FSHR: variants seen among roughly 807,000 people sequenced by gnomAD.
The protein encoded by FSHR is follicle stimulating hormone receptor, also known as follicle-stimulating hormone receptor.
Under a neutral mutation model 52.1 loss-of-function variants are expected in FSHR, and 46 were observed. The ratio of observed to expected loss-of-function variants is 0.88; its 90% confidence interval spans 0.70 to 1.13. The LOEUF is 1.13. Among genes scored for constraint, FSHR ranks in the 50% most tolerant of loss-of-function variants. The pLI, the probability that FSHR is intolerant of heterozygous loss-of-function variation, is 0.00. For synonymous variants in FSHR, 399 were observed against 309.6 expected (o/e 1.29, Z -3.03); for missense variants, 964 against 834.6 (o/e 1.16, Z -1.91).
At chr2:49,119,049 C>T (rs1347426284) in intron 1 of FSHR, among the ~76,000 whole-genome samples, 3 of 152,168 alleles carry the variant, frequency 2.0e-5, no homozygotes, top group Admixed American at 6.5e-5. Flanking sequence ...GTCCTACCAG[C>T]GTTTGGGGAC....
At chr2:49,114,354 C>G (rs1226628053) in intron 1 of FSHR, among the ~76,000 whole-genome samples, 1 of 152,182 alleles carries the variant, frequency 6.6e-6, no homozygotes, top group Non-Finnish European at 1.5e-5. Flanking sequence ...CAAAGCAATA[C>G]TCTCCCAATG....
At chr2:48,971,602 TC>T (rs1247032151) in intron 8 of FSHR, among the ~76,000 whole-genome samples, 2 of 152,210 alleles carry the variant, frequency 1.3e-5, no homozygotes, top group African/African-American at 4.8e-5. Flanking sequence ...TTATACATAG[TC>T]CCCTCTTTGT....
chr2:49,137,586 G>A (rs1037228777), intron 1 of FSHR, among the ~76,000 whole-genome samples: 2 of 152,128 alleles, frequency 1.3e-5, no homozygotes, highest in African/African-American at 4.8e-5. Flanking sequence ...TCAAAACTTA[G>A]TAGAAAGAAA....
chr2:48,967,172 T>C (rs1346828816), intron 9 of FSHR, among the ~76,000 whole-genome samples: 1 of 152,222 alleles, frequency 6.6e-6, no homozygotes, highest in Non-Finnish European at 1.5e-5. Flanking sequence ...TATAGCTCAC[T>C]GCAGCCTCGA....
intron 4 of FSHR, among the ~76,000 whole-genome samples, chr2:49,004,385 G>A (rs1260718437): frequency 1.3e-5 from 2 of 152,150 alleles, no homozygotes; most frequent in African/African-American, 4.8e-5. Flanking sequence ...TGGGGAAGAG[G>A]AGCTGGGAAG....
chr2:48,997,005 A>G (rs1015163888), intron 4 of FSHR, among the ~76,000 whole-genome samples: 3 of 152,108 alleles, frequency 2.0e-5, no homozygotes, highest in Non-Finnish European at 4.4e-5. Context: ...ATGCTAACAT[A>G]TGCTTTCTGA....
At chr2:48,996,691 G>C (rs1306226213) in intron 4 of FSHR, among the ~76,000 whole-genome samples, 2 of 152,082 alleles carry the variant, frequency 1.3e-5, no homozygotes, top group African/African-American at 4.8e-5. Context: ...CAGCTGAAAC[G>C]AGGTGGCAGA....
intron 2 of FSHR, among the ~76,000 whole-genome samples, chr2:49,064,806 T>C (rs1320037382): frequency 6.6e-6 from 1 of 152,062 alleles, no homozygotes. Flanking sequence ...GTCTGATAAA[T>C]GTGCTGTTAA....
intron 1 of FSHR, among the ~76,000 whole-genome samples, chr2:49,109,031 C>T (rs768427780): frequency 2.6e-5 from 4 of 152,004 alleles, no homozygotes; most frequent in African/African-American, 4.8e-5. Context: ...ATGTCTTCAC[C>T]GGGGAGAGCA....
At chr2:49,122,016 G>T (rs1671833123) in intron 1 of FSHR, among the ~76,000 whole-genome samples, 1 of 152,140 alleles carries the variant, frequency 6.6e-6, no homozygotes, top group South Asian at 2.1e-4. Flanking sequence ...CAGGCAACAT[G>T]CATGCCACTA....
intron 1 of FSHR, among the ~76,000 whole-genome samples, chr2:49,152,656 C>A (rs1213973213): frequency 6.6e-6 from 1 of 152,096 alleles, no homozygotes; most frequent in Non-Finnish European, 1.5e-5. Flanking sequence ...TTGTTTGGGT[C>A]TGTTTGTTTT....
intron 2 of FSHR, among the ~76,000 whole-genome samples, chr2:49,063,025 G>A (rs1383404189): frequency 6.6e-6 from 1 of 152,064 alleles, no homozygotes; most frequent in Non-Finnish European, 1.5e-5. Flanking sequence ...GTATGAGTAT[G>A]AGATTCCTCT....
In FSHR at chr2:48,962,588, G is replaced by T; in HGVS notation, c.*145C>A. Reference sequence around the variant, plus strand: ...CCTAATGTATCACATGGAATTAATAGTTCCTGACCAATTTACCTTAAAGGT... The same window carrying T: ...CCTAATGTATCACATGGAATTAATATTTCCTGACCAATTTACCTTAAAGGT... On this transcript the variant is annotated 3_prime_UTR_variant, in exon 10 of 10. Transcript: ENST00000406846. 1 of 777,830 alleles carries T rather than the reference G, an allele frequency of 1.3e-6. No homozygotes were observed. The highest frequency in any genetic ancestry group is 1.7e-5 in the South Asian group (1 of 59,122). The allele number at this position is 777,830 out of a possible 1,614,324, so 48.2% of individuals were successfully genotyped here. A position where few individuals can be genotyped will look rare whatever the true frequency, so the allele number is the denominator to read the frequency against.
chr2:49,138,712 A>C (rs933616354), intron 1 of FSHR, among the ~76,000 whole-genome samples: 4 of 152,222 alleles, frequency 2.6e-5, no homozygotes, highest in Non-Finnish European at 5.9e-5. Context: ...ATGATAGCTA[A>C]CATGTATGAG....
chr2:49,051,482 T>A (rs761865683), intron 2 of FSHR, among the ~76,000 whole-genome samples: 1 of 152,156 alleles, frequency 6.6e-6, no homozygotes, highest in South Asian at 2.1e-4. Flanking sequence ...CGTGTATCTT[T>A]TTTTGTGAAG....
chr2:48,974,679 C>T (rs1227882160), intron 8 of FSHR, among the ~76,000 whole-genome samples: 2 of 152,132 alleles, frequency 1.3e-5, no homozygotes, highest in East Asian at 3.8e-4. Flanking sequence ...TCAAGACTTC[C>T]AAATTTTGAA....
chr2:49,052,149 T>C (rs905980058), intron 2 of FSHR, among the ~76,000 whole-genome samples: 1 of 152,188 alleles, frequency 6.6e-6, no homozygotes, highest in African/African-American at 2.4e-5. Flanking sequence ...TTTGTGTGTA[T>C]GGACAATTTT....
At chr2:49,091,939 T>A (rs1037923867) in intron 1 of FSHR, among the ~76,000 whole-genome samples, 3 of 152,246 alleles carry the variant, frequency 2.0e-5, no homozygotes, top group Non-Finnish European at 4.4e-5. Flanking sequence ...TTGTTTGTAA[T>A]TATGTTAACC....
At chr2:49,053,221 C>T (rs1437585260) in intron 2 of FSHR, among the ~76,000 whole-genome samples, 2 of 152,170 alleles carry the variant, frequency 1.3e-5, no homozygotes, top group Admixed American at 6.5e-5. Context: ...ATTGCCGCCT[C>T]ATCTGCATAT....
Sources: gnomAD v4.1 joint callset for allele counts (sites outside exome capture counted in the v4.1 genomes callset) on GRCh38, gnomAD v4.1.1 for gene constraint, MANE v1.5 for transcripts, NCBI Gene and HGNC (gene_info 2026-07-23, HGNC 2026-07-21) for gene names.